ST6GAL1: variants seen among roughly 807,000 people sequenced by gnomAD.
The protein encoded by ST6GAL1 is ST6 beta-galactoside alpha-2,6-sialyltransferase 1.
Under a neutral mutation model 38.0 loss-of-function variants are expected in ST6GAL1, and 20 were observed. The ratio of observed to expected loss-of-function variants is 0.53; its 90% confidence interval spans 0.37 to 0.77. The LOEUF (loss-of-function observed/expected upper bound fraction) is 0.77. Ranked by LOEUF, ST6GAL1 falls within the 30% of genes least tolerant of loss-of-function variation. The probability of loss-of-function intolerance (pLI) is 0.00; values close to 1 mark genes in which losing one functional copy is unlikely to be tolerated. For missense variants in ST6GAL1, 432 were observed against 496.4 expected (o/e 0.87, Z 1.23); for synonymous variants, 196 against 188.2 (o/e 1.04, Z -0.34).
At chr3:187,021,361 C>A (rs1337758322) in intron 2 of ST6GAL1, among the ~76,000 whole-genome samples, 1 of 152,192 alleles carries the variant, frequency 6.6e-6, no homozygotes, top group Non-Finnish European at 1.5e-5. Context: ...GGGACAGGCC[C>A]TAAGAAACAG....
chr3:187,061,669 C>G (rs1407687149), intron 5 of ST6GAL1, among the ~76,000 whole-genome samples: 19 of 152,094 alleles, frequency 1.2e-4, no homozygotes. Flanking sequence ...TATCCACATG[C>G]AAAAGAATAA....
chr3:186,988,221 T>C (rs1421440125), intron 2 of ST6GAL1, among the ~76,000 whole-genome samples: 3 of 152,148 alleles, frequency 2.0e-5, no homozygotes, highest in Non-Finnish European at 4.4e-5. Flanking sequence ...ATAGACGACA[T>C]GGTAAATGTG....
chr3:187,075,645 T>C lies in ST6GAL1; in HGVS notation c.1063T>C (p.Tyr355His). ...PSKRKTDVCY[Y>H]YQKFFDSACT... ...CAAGCGCAAGACTGACGTGTGCTAC[T>C]ACTACCAGAAGTTCTTCGATAGTGC... The change falls in exon 8 of 8, where the codon TAC becomes CAC. Residue 355 changes from tyrosine (Y) to histidine (H), a missense_variant. Coordinates refer to ENST00000169298, the MANE Select transcript of ST6GAL1 (RefSeq NM_173216.2). The surrounding 1 kb of genome is among the most constrained non-coding windows in gnomAD (Gnocchi z 4.1). 6.2e-7 allele frequency: 1 copy of C among 1,614,204 alleles called. No individual in the cohort carries two copies. Among genetic ancestry groups the C allele is most frequent in the South Asian group, 1.1e-5 (1 of 91,080 alleles).
intron 6 of ST6GAL1, chr3:187,073,429 TG>T (rs1719451414): frequency 6.1e-6 from 1 of 164,352 alleles, no homozygotes; most frequent in African/African-American, 2.4e-5. Flanking sequence ...ATGTGGAGAA[TG>T]AAAGTCCCCC....
intron 5 of ST6GAL1, among the ~76,000 whole-genome samples, chr3:187,065,064 G>C (rs1467548125): frequency 6.6e-6 from 1 of 150,664 alleles, no homozygotes; most frequent in Non-Finnish European, 1.5e-5. Flanking sequence ...GTGCAGTGGT[G>C]CACTCTCGGC....
intron 5 of ST6GAL1, among the ~76,000 whole-genome samples, chr3:187,055,238 TC>T (rs1236827271): frequency 3.7e-4 from 22 of 58,736 alleles, no homozygotes; most frequent in African/African-American, 1.2e-3. Flanking sequence ...GTTGATCTTT[TC>T]AAAAAAAAAA....
intron 2 of ST6GAL1, among the ~76,000 whole-genome samples, chr3:186,984,752 CT>C (rs1715820435): frequency 2.9e-4 from 17 of 58,258 alleles, no homozygotes; most frequent in Admixed American, 1.2e-3. Context: ...CCCTCCCTCC[CT>C]CCCTCCCTCC....
chr3:187,063,211 T>C (rs577088019), intron 5 of ST6GAL1, among the ~76,000 whole-genome samples: 1 of 152,216 alleles, frequency 6.6e-6, no homozygotes, highest in South Asian at 2.1e-4. Flanking sequence ...ACCCACAACA[T>C]GATGGTGGTG....
chr3:186,994,998 A>C (rs1251704777), intron 2 of ST6GAL1, among the ~76,000 whole-genome samples: 1 of 152,172 alleles, frequency 6.6e-6, no homozygotes, highest in Non-Finnish European at 1.5e-5. Context: ...TACTATTATC[A>C]CATTCAAATA....
chr3:187,067,087 T>C (rs1378861587), intron 5 of ST6GAL1, among the ~76,000 whole-genome samples: 6 of 84,282 alleles, frequency 7.1e-5, no homozygotes, highest in Admixed American at 4.2e-4. Context: ...CTTTCTTTTT[T>C]TTTTTTTTTT....
At chr3:186,937,520 A>C (rs1714005254) in intron 1 of ST6GAL1, among the ~76,000 whole-genome samples, 1 of 152,226 alleles carries the variant, frequency 6.6e-6, no homozygotes, top group Non-Finnish European at 1.5e-5. Flanking sequence ...GAGCAACTCC[A>C]AGGTCACTTA....
intron 5 of ST6GAL1, among the ~76,000 whole-genome samples, chr3:187,058,310 C>T (rs764588589): frequency 3.9e-4 from 60 of 152,294 alleles, no homozygotes; most frequent in Middle Eastern, 3.4e-3. Context: ...ACCCACTGTC[C>T]AACCAGTCCC....
At chr3:187,015,234 C>G (rs976333049) in intron 2 of ST6GAL1, among the ~76,000 whole-genome samples, 1 of 152,218 alleles carries the variant, frequency 6.6e-6, no homozygotes, top group African/African-American at 2.4e-5. Flanking sequence ...TTACTGCACG[C>G]ACTTCATAAT....
chr3:187,021,464 G>A (rs1027666587), intron 2 of ST6GAL1, among the ~76,000 whole-genome samples: 1 of 151,762 alleles, frequency 6.6e-6, no homozygotes, highest in Non-Finnish European at 1.5e-5. Context: ...ATGAGGCCAG[G>A]CATAGTGGTT....
intron 5 of ST6GAL1, among the ~76,000 whole-genome samples, chr3:187,053,599 A>G (rs1445194159): frequency 6.6e-6 from 1 of 152,188 alleles, no homozygotes; most frequent in African/African-American, 2.4e-5. Flanking sequence ...GTCAAAGATC[A>G]GATGGTTGTA....
chr3:186,990,071 T>G (rs1465869839), intron 2 of ST6GAL1, among the ~76,000 whole-genome samples: 1 of 152,250 alleles, frequency 6.6e-6, no homozygotes, highest in Non-Finnish European at 1.5e-5. Context: ...TCTTGCTCTG[T>G]CGCCCTGGCT....
intron 2 of ST6GAL1, among the ~76,000 whole-genome samples, chr3:187,006,975 T>C (rs1379915541): frequency 6.6e-6 from 1 of 152,190 alleles, no homozygotes; most frequent in Non-Finnish European, 1.5e-5. Flanking sequence ...AGAAGTAAAT[T>C]GCTGAGAAGG....
At chr3:186,992,689 C>T (rs975581283) in intron 2 of ST6GAL1, among the ~76,000 whole-genome samples, 6 of 151,926 alleles carry the variant, frequency 3.9e-5, no homozygotes, top group Admixed American at 2.6e-4. Flanking sequence ...CTCAGCTACT[C>T]GGAGGCTGAG....
rs1719578167 is a variant in ST6GAL1 at position 187,076,806 on chromosome 3, T to A, written c.*1003T>A. On this transcript the variant is annotated 3_prime_UTR_variant, in exon 8 of 8. Coordinates refer to ENST00000169298, the MANE Select transcript of ST6GAL1 (RefSeq NM_173216.2). ...TTTTTTAGGAAACCTCCTACCCATG[T>A]CTGAGGTAGCAAGTGCAGCCTCACG... 3 of 399,028 alleles carry A rather than the reference T, an allele frequency of 7.5e-6. No homozygotes were observed. Among genetic ancestry groups the A allele is most frequent in the Non-Finnish European group, 1.3e-5 (3 of 226,050 alleles). 24.7% of individuals were successfully genotyped at this position (399,028 alleles called of 1,614,324 possible). A position where few individuals can be genotyped will look rare whatever the true frequency, so the allele number is the denominator to read the frequency against.
Sources: gnomAD v4.1 joint callset for allele counts (sites outside exome capture counted in the v4.1 genomes callset) on GRCh38, gnomAD v4.1.1 for gene constraint, Gnocchi (gnomAD v3.1) non-coding constraint, MANE v1.5 for transcripts, NCBI Gene and HGNC (gene_info 2026-07-23, HGNC 2026-07-21) for gene names.